Variants in GATA6 observed in about 807,000 individuals in gnomAD.
GATA6 encodes GATA binding protein 6, also known as transcription factor GATA-6.
In GATA6, 11 loss-of-function variants were observed where a neutral mutation model predicts 48.1. The observed-to-expected ratio is 0.23, with a 90% CI of 0.14 to 0.38. The LOEUF is 0.38. Among genes scored for constraint, GATA6 ranks in the 10% least tolerant of loss-of-function variants. The pLI is 1.00. For synonymous variants in GATA6, 419 were observed against 396.1 expected (o/e 1.06, Z -0.69); for missense variants, 795 against 850.3 (o/e 0.93, Z 0.81).
intron 3 of GATA6, among the ~76,000 whole-genome samples, chr18:22,178,569 G>A (rs1158590788): frequency 6.6e-6 from 1 of 152,228 alleles, no homozygotes; most frequent in Non-Finnish European, 1.5e-5. Context: ...AGATTAGAGT[G>A]AAATTGCATC....
At chr18:22,188,083 TA>T (rs113464485) in intron 6 of GATA6, among the ~76,000 whole-genome samples, 64 of 149,392 alleles carry the variant, frequency 4.3e-4, no homozygotes, top group South Asian at 6.4e-4. Context: ...ATTTCTAGTT[TA>T]AAAAAAAAAT....
chr18:22,199,165 A>G (rs2033426091), intron 6 of GATA6, among the ~76,000 whole-genome samples: 1 of 152,182 alleles, frequency 6.6e-6, no homozygotes, highest in Non-Finnish European at 1.5e-5. Context: ...TTGGAAAACG[A>G]GTAGAGTTGG....
intron 6 of GATA6, among the ~76,000 whole-genome samples, chr18:22,183,380 AT>A (rs2033222421): frequency 6.6e-6 from 1 of 152,202 alleles, no homozygotes; most frequent in African/African-American, 2.4e-5. Flanking sequence ...ATATTTATGT[AT>A]TTCCGATGTA....
chr18:22,190,890 C>A (rs2033317786), intron 6 of GATA6, among the ~76,000 whole-genome samples: 1 of 152,202 alleles, frequency 6.6e-6, no homozygotes, highest in South Asian at 2.1e-4. Flanking sequence ...TCTAATAACT[C>A]ACGTTCTTGT....
At chr18:22,187,453 C>CTCT (rs1426846529) in intron 6 of GATA6, among the ~76,000 whole-genome samples, 1 of 151,824 alleles carries the variant, frequency 6.6e-6, no homozygotes, top group African/African-American at 2.4e-5. Flanking sequence ...GCACCCCAGC[C>CTCT]TGGGCAACAA....
chr18:22,189,274 T>C (rs1467237759), intron 6 of GATA6, among the ~76,000 whole-genome samples: 2 of 152,196 alleles, frequency 1.3e-5, no homozygotes, highest in Non-Finnish European at 2.9e-5. Flanking sequence ...GATTATTTGA[T>C]GTGCTCTATA....
At chr18:22,188,490 A>G (rs867002961) in intron 6 of GATA6, among the ~76,000 whole-genome samples, 93 of 152,284 alleles carry the variant, frequency 6.1e-4, no homozygotes, top group African/African-American at 2.1e-3. Context: ...GCTGAAGGGA[A>G]ATAGTTAGTT....
At chr18:22,198,750 C>T (rs2033421115) in intron 6 of GATA6, among the ~76,000 whole-genome samples, 2 of 152,194 alleles carry the variant, frequency 1.3e-5, no homozygotes, top group Non-Finnish European at 2.9e-5. Context: ...TAAAGTTAAT[C>T]ACTATGTTTA....
In GATA6 at chr18:22,172,243, G is replaced by C; in HGVS notation, c.1099G>C (p.Gly367Arg). The change falls in exon 2 of 7, where the codon GGA (glycine) becomes CGA (arginine). Residue 367 changes from glycine to arginine, a missense_variant. Physicochemically the swap from Gly to Arg is moderately radical, Grantham distance 125 (BLOSUM62 -2). Transcript: ENST00000269216. The surrounding 1 kb of genome is among the most constrained non-coding windows in gnomAD (Gnocchi z 5.2). ...PVLHSLQSRA[G>R]APLPVPRGPS... ...GCTGCACAGCCTGCAGAGCCGCGCC[G>C]GAGCCCCGCTCCCGGTGCCCCGGGG... The C allele has an allele frequency of 6.5e-7, 1 of 1,533,762 alleles. No individual in the cohort carries two copies. Among genetic ancestry groups the C allele is most frequent in the Non-Finnish European group, 8.7e-7 (1 of 1,146,148 alleles).
chr18:22,176,644 C>T (rs909407593), intron 2 of GATA6: 11 of 319,312 alleles, frequency 3.4e-5, no homozygotes, highest in Non-Finnish European at 6.4e-5. Flanking sequence ...GAGTAGGGGT[C>T]AGGGGACTCA....
Position 22,180,689 on chromosome 18 carries a change from T to TAA in GATA6, c.1303-757_1303-756dup, listed in dbSNP as rs769055281. Among the ~76,000 whole-genome samples the TAA allele has an allele frequency of 1.2e-3, 174 of 150,874 alleles. No individual in the cohort carries two copies. The Middle Eastern group carries it at 0.014, about 12-fold the overall frequency. ...TTCAAATATATTTCTTTTTTTTTTTTAAAAAAAACTTTTACCCCTCTTCTG... is the reference window on the plus strand; with the variant it reads ...TTCAAATATATTTCTTTTTTTTTTTTAAAAAAAAAACTTTTACCCCTCTTCTG... On this transcript the variant is annotated intron_variant, in intron 3 of 6. Transcript: ENST00000269216.
At chr18:22,196,696 A>G (rs1598742316) in intron 6 of GATA6, among the ~76,000 whole-genome samples, 1 of 152,172 alleles carries the variant, frequency 6.6e-6, no homozygotes, top group Non-Finnish European at 1.5e-5. Context: ...AGCCAAGATC[A>G]CACCCAGTGC....
rs1233283308 is a variant in GATA6 at position 22,171,895 on chromosome 18, G to C, written c.751G>C (p.Gly251Arg). ...TGGCGGCGGGGCCGCGGGGCCTGGC[G>C]GCGCTGGCTCAGCCGCGGCGCACGT... Reference protein sequence around the residue: ...AAGGGAAGPGGAGSAAAHVSA... With the variant: ...AAGGGAAGPGRAGSAAAHVSA... The change falls in exon 2 of 7, where the codon GGC becomes CGC. Residue 251 changes from glycine to arginine, a missense_variant. Gly to Arg is a moderately radical substitution (Grantham distance 125). Around this residue, in one of 5 missense-constraint regions of GATA6, gnomAD observed 591 missense variants for 570.0 expected, o/e 1.04. Coordinates refer to ENST00000269216, the MANE Select transcript of GATA6 (RefSeq NM_005257.6). The surrounding 1 kb of genome is among the most constrained non-coding windows in gnomAD (Gnocchi z 7.1). The C allele has an allele frequency of 8.7e-7, 1 of 1,153,762 alleles. No individual in the cohort carries two copies. The highest frequency in any genetic ancestry group is 1.1e-6 in the Non-Finnish European group (1 of 939,108). 71.5% of individuals were successfully genotyped at this position (1,153,762 alleles called of 1,614,324 possible).
rs1598734312 is a variant in GATA6, at chr18:22,171,966, C to T, written c.822C>T (p.Gly274=). The T allele has an allele frequency of 1.8e-5, 22 of 1,206,780 alleles. No homozygotes were observed. Among genetic ancestry groups the T allele is most frequent in the Non-Finnish European group, 2.3e-5 (22 of 972,596 alleles). The allele number at this position is 1,206,780 out of a possible 1,614,324, so 74.8% of individuals were successfully genotyped here. A position where few individuals can be genotyped will look rare whatever the true frequency, so the allele number is the denominator to read the frequency against. Residue 274 remains glycine (G), a synonymous_variant, in exon 2 of 7, where the codon GGC becomes GGT. Transcript: ENST00000269216. This position sits in a 1 kb window ranked among gnomAD's most constrained non-coding sequence, Gnocchi z 7.1. ...PYSPSPPMAN[G]AAREPGGYAA... is the part of the protein sequence containing the mutation. Reference sequence around the variant, plus strand: ...CTCCCAGCCCGCCCATGGCCAACGGCGCCGCGCGGGAGCCGGGAGGCTACG... The same window carrying T: ...CTCCCAGCCCGCCCATGGCCAACGGTGCCGCGCGGGAGCCGGGAGGCTACG...
rs2033036524 is a variant in GATA6, at chr18:22,171,261, C to T, written c.117C>T (p.Ile39=). 6.3e-7 allele frequency: 1 copy of T among 1,598,072 alleles called. No homozygotes were observed. Among genetic ancestry groups the T allele is most frequent in the Non-Finnish European group, 8.5e-7 (1 of 1,178,794 alleles). ...AREPSTPPSP[I]SSSSSSCSRG... ...AGCCCTCCACGCCGCCTTCCCCCATCTCTTCCTCGTCCTCCTCCTGCTCCC... is the reference window on the plus strand; with the variant it reads ...AGCCCTCCACGCCGCCTTCCCCCATTTCTTCCTCGTCCTCCTCCTGCTCCC... Residue 39 remains isoleucine, a synonymous_variant, in exon 2 of 7, where the codon ATC becomes ATT. Coordinates refer to ENST00000269216, the MANE Select transcript of GATA6 (RefSeq NM_005257.6). The surrounding 1 kb of genome is among the most constrained non-coding windows in gnomAD (Gnocchi z 7.1).
chr18:22,183,780 A>G (rs909483736), intron 6 of GATA6, among the ~76,000 whole-genome samples: 3 of 152,084 alleles, frequency 2.0e-5, no homozygotes, highest in African/African-American at 7.2e-5. Flanking sequence ...ATGTTTCCCA[A>G]ATTTACCTGG....
chr18:22,183,900 A>G (rs903755462), intron 6 of GATA6, among the ~76,000 whole-genome samples: 7 of 152,248 alleles, frequency 4.6e-5, no homozygotes, highest in Non-Finnish European at 5.9e-5. Context: ...TTGGGACTAC[A>G]CTGAGACAAG....
chr18:22,170,840 C>T lies in GATA6; in HGVS notation c.-37-268C>T. The T allele has an allele frequency of 2.1e-6, 1 of 485,866 alleles. No homozygotes were observed. 30.1% of individuals were successfully genotyped at this position (485,866 alleles called of 1,614,324 possible). On this transcript the variant is annotated intron_variant, in intron 1 of 6. Transcript: ENST00000269216. The surrounding 1 kb of genome is among the most constrained non-coding windows in gnomAD (Gnocchi z 6.7). ...CGGCCGAGGGGGTGGGCGGGGAGGA[C>T]GCGGGGACCGGAGCGGTGCCTTTGA...
Position 22,170,964 on chromosome 18 carries a change from TC to T in GATA6, c.-37-143del. The T allele has an allele frequency of 1.6e-6, 1 of 629,114 alleles. No individual in the cohort carries two copies. The allele number at this position is 629,114 out of a possible 1,614,324, so 39.0% of individuals were successfully genotyped here. The stretch of plus-strand genomic sequence containing the variant: ...CTCCACGCCCGGGGCAGAAATAGGA[TC>T]TTTGAGAAGTCTCAAATGGGATCTT... On this transcript the variant is annotated intron_variant, in intron 1 of 6. Transcript: ENST00000269216. This position sits in a 1 kb window ranked among gnomAD's most constrained non-coding sequence, Gnocchi z 6.7.
Sources: gnomAD v4.1 joint callset for allele counts (sites outside exome capture counted in the v4.1 genomes callset) on GRCh38, gnomAD v4.1.1 for gene constraint, gnomAD v4.1.1 regional missense constraint, Gnocchi (gnomAD v3.1) non-coding constraint, MANE v1.5 for transcripts, NCBI Gene and HGNC (gene_info 2026-07-23, HGNC 2026-07-21) for gene names.